UGP2: variants seen among roughly 807,000 people sequenced by gnomAD.
The protein encoded by UGP2 is UDP-glucose pyrophosphorylase 2, also known as UTP--glucose-1-phosphate uridylyltransferase.
UGP2 carries 40 observed loss-of-function variants against 49.0 expected under a neutral mutation model. The observed-to-expected ratio is 0.82, with a 90% CI of 0.63 to 1.06. The LOEUF (loss-of-function observed/expected upper bound fraction) is 1.06. UGP2 is among the 50% of genes least tolerant of loss of function. UGP2 has a pLI of 0.00. For missense variants in UGP2, 460 were observed against 603.5 expected, an observed-to-expected ratio of 0.76 and a Z score of 2.49; for synonymous variants, 225 against 213.0, an observed-to-expected ratio of 1.06 and a Z score of -0.49.
chr2:63,882,383 C>T, intron 3 of UGP2, 83 bp from the exon 4 acceptor site: 1 of 1,228,460 alleles, frequency 8.1e-7, no homozygotes, highest in Non-Finnish European at 1.1e-6. Context: ...TTTATGGAAG[C>T]ATGGAAATAA....
At chr2:63,889,055 TCA>T (rs1055592151) in intron 8 of UGP2, 11 of 152,192 alleles carry the variant, frequency 7.2e-5, no homozygotes, top group Non-Finnish European at 1.3e-4. Flanking sequence ...GCATGTGTCC[TCA>T]GAGTCAAATG....
chr2:63,885,201 T>A (rs1180887324), intron 5 of UGP2, among the ~76,000 whole-genome samples: 1 of 152,020 alleles, frequency 6.6e-6, no homozygotes, highest in Non-Finnish European at 1.5e-5. Context: ...CCTGAATATA[T>A]CCATTTGTAA....
intron 1 of UGP2, among the ~76,000 whole-genome samples, chr2:63,843,136 T>C (rs1322598911): frequency 6.6e-6 from 1 of 152,226 alleles, no homozygotes; most frequent in East Asian, 1.9e-4. Context: ...GTGTCAGTAA[T>C]GGCCATCATT....
At position 63,843,815 on chromosome 2, in the gene UGP2, T is replaced by A. The variant is rs537567736; in HGVS notation, c.19+1611T>A. Reference sequence around the variant, plus strand: ...CTGTTAACTAAAGGCTTTGTTCAGATTACAGTTCCCATGATTCACTCTAAG... The same window carrying A: ...CTGTTAACTAAAGGCTTTGTTCAGAATACAGTTCCCATGATTCACTCTAAG... On this transcript the variant is annotated intron_variant, in intron 1 of 9. Transcript: ENST00000337130. 2.6e-5 allele frequency among the ~76,000 whole-genome samples: 4 copies of A among 152,384 alleles called. No individual in the cohort carries two copies. In the South Asian group the frequency reaches 8.3e-4, roughly 32 times the overall value.
At chr2:63,860,926 GA>G (rs1226177724) in intron 3 of UGP2, among the ~76,000 whole-genome samples, 2 of 151,902 alleles carry the variant, frequency 1.3e-5, no homozygotes, top group Non-Finnish European at 2.9e-5. Context: ...GATAGGCATT[GA>G]AATTTTATAT....
intron 4 of UGP2, 54 bp downstream of exon 4, chr2:63,882,705 A>G: frequency 1.4e-6 from 2 of 1,432,896 alleles, no homozygotes; most frequent in South Asian, 3.6e-5. Context: ...TTAGTTTTTA[A>G]GTTATCATAA....
At chr2:63,865,917 A>G (rs1460330658) in intron 3 of UGP2, among the ~76,000 whole-genome samples, 3 of 152,140 alleles carry the variant, frequency 2.0e-5, no homozygotes, top group Admixed American at 2.0e-4. Flanking sequence ...TTGTTCTCAA[A>G]TGTGTTCATG....
At chr2:63,862,691 G>T (rs769719427) in intron 3 of UGP2, 4 of 402,818 alleles carry the variant, frequency 9.9e-6, no homozygotes, top group Admixed American at 5.6e-5. Flanking sequence ...CCACAGAATT[G>T]AATTCATTAG....
At chr2:63,873,171 G>A (rs186718656) in intron 3 of UGP2, among the ~76,000 whole-genome samples, 190 of 152,302 alleles carry the variant, frequency 1.2e-3, no homozygotes, top group Non-Finnish European at 1.8e-3. Context: ...AAAAGTTGTG[G>A]AAGCTTGCTT....
intron 3 of UGP2, among the ~76,000 whole-genome samples, chr2:63,880,616 C>T (rs1181432341): frequency 6.6e-6 from 1 of 152,186 alleles, no homozygotes; most frequent in African/African-American, 2.4e-5. Flanking sequence ...AGCAATATTA[C>T]CAGTTTCTTT....
intron 3 of UGP2, chr2:63,862,943 C>T (rs1395927409): frequency 1.6e-5 from 7 of 443,326 alleles, no homozygotes; most frequent in Admixed American, 1.5e-4. Flanking sequence ...GTATTTGGAA[C>T]TCCATTTCTG....
intron 3 of UGP2, among the ~76,000 whole-genome samples, chr2:63,875,312 T>A (rs1294524871): frequency 6.6e-6 from 1 of 152,206 alleles, no homozygotes; most frequent in African/African-American, 2.4e-5. Context: ...TTCTTTCAGA[T>A]TGCAATAATC....
intron 3 of UGP2, among the ~76,000 whole-genome samples, chr2:63,880,310 A>G (rs1671215437): frequency 1.3e-5 from 2 of 151,846 alleles, no homozygotes; most frequent in South Asian, 4.2e-4. Context: ...GGTAGCTGGG[A>G]CTACAGGCAT....
intron 4 of UGP2, 52 bp from the exon 5 acceptor site, chr2:63,883,908 T>G: frequency 6.4e-7 from 1 of 1,561,800 alleles, no homozygotes. Context: ...TTTGCATATT[T>G]GAGCAAAAGA....
intron 3 of UGP2, 141 bp downstream of exon 3, chr2:63,858,077 C>T: frequency 1.4e-6 from 1 of 722,300 alleles, no homozygotes; most frequent in East Asian, 2.7e-5. Context: ...GACCCCTCAT[C>T]CTGAAACTAT....
intron 3 of UGP2, among the ~76,000 whole-genome samples, chr2:63,870,018 G>A (rs1456546656): frequency 6.6e-6 from 1 of 151,464 alleles, no homozygotes; most frequent in Non-Finnish European, 1.5e-5. Context: ...CACCTCCTAG[G>A]TTTACACCAT....
intron 3 of UGP2, among the ~76,000 whole-genome samples, chr2:63,873,680 C>A (rs537022688): frequency 6.6e-6 from 1 of 152,114 alleles, no homozygotes; most frequent in South Asian, 2.1e-4. Context: ...TGTTAGAGAA[C>A]CCAATGCTCC....
chr2:63,859,507 G>A (rs185718282), intron 3 of UGP2, among the ~76,000 whole-genome samples: 30 of 152,216 alleles, frequency 2.0e-4, no homozygotes, highest in African/African-American at 7.2e-4. Context: ...GATTCTTGAA[G>A]TGGGGGTCAG....
chr2:63,842,636 T>C, intron 1 of UGP2: 1 of 1,420,998 alleles, frequency 7.0e-7, no homozygotes, highest in Non-Finnish European at 9.2e-7. Context: ...AGCTTTAGTG[T>C]TCTCCGCTTC....
Sources: gnomAD v4.1 joint callset for allele counts (sites outside exome capture counted in the v4.1 genomes callset) on GRCh38, gnomAD v4.1.1 for gene constraint, MANE v1.5 for transcripts, NCBI Gene and HGNC (gene_info 2026-07-23, HGNC 2026-07-21) for gene names.